The following NR3C2 variants were observed in gnomAD, a reference collection of about 807,000 sequenced individuals.
NR3C2 encodes mineralocorticoid receptor.
A neutral mutation model predicts 86.4 loss-of-function variants in NR3C2; 15 were observed. That is an observed-to-expected ratio of 0.17 (90% CI 0.12 to 0.27). The LOEUF (loss-of-function observed/expected upper bound fraction) is 0.27, where lower values mean the gene tolerates loss of function less well. NR3C2 is among the 10% of genes least tolerant of loss of function. The probability of loss-of-function intolerance (pLI) is 1.00; values close to 1 mark genes in which losing one functional copy is unlikely to be tolerated. For synonymous variants in NR3C2, 458 were observed against 450.5 expected (o/e 1.02, Z -0.21); for missense variants, 960 against 1,195.6 (o/e 0.80, Z 2.91).
At chr4:148,229,071 A>T (rs1738328592) in intron 3 of NR3C2, among the ~76,000 whole-genome samples, 1 of 152,214 alleles carries the variant, frequency 6.6e-6, no homozygotes, top group East Asian at 1.9e-4. Flanking sequence ...GGTCTAGGCC[A>T]AGAAACCATC....
chr4:148,162,896 A>G (rs1395545614), intron 4 of NR3C2, among the ~76,000 whole-genome samples: 1 of 152,136 alleles, frequency 6.6e-6, no homozygotes, highest in Non-Finnish European at 1.5e-5. Flanking sequence ...CAAATCCTCT[A>G]CCCACATGTT....
intron 3 of NR3C2, among the ~76,000 whole-genome samples, chr4:148,230,655 T>C (rs192754323): frequency 4.6e-5 from 7 of 152,346 alleles, no homozygotes; most frequent in East Asian, 1.9e-4. Context: ...CCCTAAATAA[T>C]AGAATATCCT....
intron 6 of NR3C2, among the ~76,000 whole-genome samples, chr4:148,127,022 T>C (rs1732781041): frequency 6.6e-6 from 1 of 152,226 alleles, no homozygotes; most frequent in African/African-American, 2.4e-5. Context: ...TCCAGTGTTT[T>C]GTTATTACAG....
At chr4:148,275,768 T>C (rs193072079) in intron 2 of NR3C2, among the ~76,000 whole-genome samples, 170 of 152,214 alleles carry the variant, frequency 1.1e-3, no homozygotes, top group African/African-American at 3.7e-3. Context: ...ATATGAACCA[T>C]AATGAAAATA....
At chr4:148,144,874 A>G (rs767804803) in intron 6 of NR3C2, among the ~76,000 whole-genome samples, 26 of 152,294 alleles carry the variant, frequency 1.7e-4, no homozygotes, top group Non-Finnish European at 3.5e-4. Flanking sequence ...AAGAGTCTTG[A>G]GCTCCACTGT....
At chr4:148,310,154 A>C in intron 2 of NR3C2, among the ~76,000 whole-genome samples, 1 of 152,308 alleles carries the variant, frequency 6.6e-6, no homozygotes. Flanking sequence ...ACTTACATAG[A>C]CTTATGCTAG....
At chr4:148,303,959 AG>A (rs1304037431) in intron 2 of NR3C2, among the ~76,000 whole-genome samples, 1 of 152,220 alleles carries the variant, frequency 6.6e-6, no homozygotes, top group Non-Finnish European at 1.5e-5. Context: ...CATGGTCACC[AG>A]GACTCAGGGA....
Position 148,114,243 on chromosome 4 carries a change from T to C in NR3C2, c.2660A>G (p.Lys887Arg), listed in dbSNP as rs1468922599. The C allele has an allele frequency of 6.2e-7, 1 of 1,614,036 alleles. No individual in the cohort carries two copies. Among genetic ancestry groups the C allele is most frequent in the Non-Finnish European group, 8.5e-7 (1 of 1,179,936 alleles). ...LLSTIPKDGL[K>R]SQAAFEEMRT... ...CATTTCTTCAAATGCAGCCTGGCTT[T>C]TGAGGCCATCCTTTGGAACTGTGTT... Residue 887 changes from lysine to arginine, a missense_variant, in exon 8 of 9, where the codon AAA (lysine) becomes AGA (arginine). Lys to Arg is a conservative substitution (Grantham distance 26, BLOSUM62 2). Around this residue, in one of 4 missense-constraint regions of NR3C2, gnomAD observed 151 missense variants for 296.3 expected, o/e 0.51. Coordinates refer to ENST00000358102, the MANE Select transcript of NR3C2 (RefSeq NM_000901.5).
chr4:148,368,411 A>G (rs534790186), intron 2 of NR3C2: 40 of 152,306 alleles, frequency 2.6e-4, no homozygotes, highest in African/African-American at 9.6e-4. Flanking sequence ...TCTTCAAAGA[A>G]GAAAATCGAA....
intron 2 of NR3C2, among the ~76,000 whole-genome samples, chr4:148,377,384 T>C (rs1746733403): frequency 6.6e-6 from 1 of 152,170 alleles, no homozygotes; most frequent in Non-Finnish European, 1.5e-5. Flanking sequence ...TCTTTTCAAT[T>C]ATTGTGAAGC....
intron 2 of NR3C2, among the ~76,000 whole-genome samples, chr4:148,410,345 A>G (rs72658640): frequency 4.6e-5 from 7 of 152,214 alleles, no homozygotes; most frequent in African/African-American, 1.7e-4. Flanking sequence ...AAAGTTTTGA[A>G]TACAAGTGAT....
intron 2 of NR3C2, among the ~76,000 whole-genome samples, chr4:148,261,282 A>AGCGCTATGAT (rs1554002222): frequency 1.7e-5 from 2 of 114,392 alleles, no homozygotes; most frequent in Admixed American, 8.8e-5. Context: ...CACTATGGTA[A>AGCGCTATGAT]GCGCTATGGT....
chr4:148,250,923 C>T (rs1229584801), intron 3 of NR3C2, among the ~76,000 whole-genome samples: 1 of 152,088 alleles, frequency 6.6e-6, no homozygotes, highest in African/African-American at 2.4e-5. Context: ...CCTCAGCCTC[C>T]AGTCTCCATC....
intron 2 of NR3C2, among the ~76,000 whole-genome samples, chr4:148,387,172 G>A (rs1747306646): frequency 6.6e-6 from 1 of 152,172 alleles, no homozygotes; most frequent in Non-Finnish European, 1.5e-5. Context: ...AAAGCTTAAA[G>A]CAGGTTTTAT....
chr4:148,243,980 G>A (rs1739192981), intron 3 of NR3C2, among the ~76,000 whole-genome samples: 1 of 152,174 alleles, frequency 6.6e-6, no homozygotes, highest in Non-Finnish European at 1.5e-5. Context: ...GGCTTGAGAG[G>A]CAGACAATGG....
intron 3 of NR3C2, among the ~76,000 whole-genome samples, chr4:148,206,913 A>C (rs918590611): frequency 6.6e-6 from 1 of 152,082 alleles, no homozygotes; most frequent in Non-Finnish European, 1.5e-5. Flanking sequence ...TCTTATGTTT[A>C]ATGTTTATGA....
chr4:148,175,263 AC>A (rs1735322095), intron 4 of NR3C2, among the ~76,000 whole-genome samples: 1 of 152,230 alleles, frequency 6.6e-6, no homozygotes, highest in Non-Finnish European at 1.5e-5. Context: ...AATGTCAGCA[AC>A]CCTTGGAGCA....
intron 6 of NR3C2, among the ~76,000 whole-genome samples, chr4:148,141,442 T>TCA (rs112250631): frequency 7.7e-5 from 11 of 143,294 alleles, no homozygotes; most frequent in African/African-American, 2.5e-4. Context: ...TCTCTCCCTC[T>TCA]CTCTCACACA....
At chr4:148,213,864 C>T (rs1006444528) in intron 3 of NR3C2, among the ~76,000 whole-genome samples, 3 of 152,180 alleles carry the variant, frequency 2.0e-5, no homozygotes, top group African/African-American at 7.2e-5. Context: ...TACATAGTCC[C>T]CTTTTTCTTG....
Sources: allele counts gnomAD v4.1 joint callset (sites outside exome capture counted in the v4.1 genomes callset), GRCh38; gene constraint gnomAD v4.1.1; regional missense constraint gnomAD v4.1.1; transcripts MANE v1.5; gene names NCBI Gene and HGNC (gene_info 2026-07-23, HGNC 2026-07-21).